The following NEGR1 variants were observed in gnomAD, a reference collection of about 807,000 sequenced individuals.
NEGR1 encodes the protein neuronal growth regulator 1.
NEGR1 carries 10 observed loss-of-function variants against 40.9 expected under a neutral mutation model. The ratio of observed to expected loss-of-function variants is 0.24; its 90% CI spans 0.15 to 0.42. The LOEUF (loss-of-function observed/expected upper bound fraction) is 0.42, where lower values mean the gene tolerates loss of function less well. Ranked by LOEUF, NEGR1 falls within the 10% of genes least tolerant of loss-of-function variation. The pLI is 1.00. For missense variants in NEGR1, 352 were observed against 438.9 expected (o/e 0.80, Z 1.77); for synonymous variants, 185 against 166.8 (o/e 1.11, Z -0.84).
intron 4 of NEGR1, among the ~76,000 whole-genome samples, chr1:71,614,005 A>T (rs1465334065): frequency 6.6e-6 from 1 of 152,084 alleles, no homozygotes; most frequent in Non-Finnish European, 1.5e-5. Flanking sequence ...AACTAAAAAA[A>T]TACCCTAGGA....
At position 71,817,357 on chromosome 1, in the gene NEGR1, C is replaced by T. The variant is rs552653857; in HGVS notation, c.410-41060G>A. On this transcript the variant is annotated intron_variant, in intron 2 of 6. Coordinates refer to ENST00000357731, the MANE Select transcript of NEGR1 (RefSeq NM_173808.3). The stretch of plus-strand genomic sequence containing the variant: ...CGCTGACATGGGCTAATTCTGGTGG[C>T]CATTTTAGCCCAAGTACTTCCCCAC... Among the ~76,000 whole-genome samples, 4 of 152,128 alleles carry T rather than the reference C, an allele frequency of 2.6e-5. No individual in the cohort carries two copies. The East Asian group carries it at 5.8e-4, about 22-fold the overall frequency.
At chr1:71,939,887 C>T (rs1275725024) in intron 1 of NEGR1, among the ~76,000 whole-genome samples, 1 of 152,134 alleles carries the variant, frequency 6.6e-6, no homozygotes, top group Non-Finnish European at 1.5e-5. Flanking sequence ...ACCCTATGAG[C>T]CAGATACTAC....
At chr1:71,762,536 C>A (rs1655982295) in intron 3 of NEGR1, among the ~76,000 whole-genome samples, 1 of 151,920 alleles carries the variant, frequency 6.6e-6, no homozygotes, top group Non-Finnish European at 1.5e-5. Context: ...AAACTGAAAG[C>A]AATCAAAATA....
At chr1:72,261,617 T>C (rs374891176) in intron 1 of NEGR1, among the ~76,000 whole-genome samples, 1 of 152,048 alleles carries the variant, frequency 6.6e-6, no homozygotes, top group Non-Finnish European at 1.5e-5. Flanking sequence ...CGGCACCACT[T>C]TGGCAACGCT....
At chr1:71,928,622 A>AC (rs1645824634) in intron 2 of NEGR1, among the ~76,000 whole-genome samples, 1 of 151,092 alleles carries the variant, frequency 6.6e-6, no homozygotes, top group Non-Finnish European at 1.5e-5. Flanking sequence ...TATATATAAA[A>AC]TGATCGTCCT....
intron 6 of NEGR1, among the ~76,000 whole-genome samples, chr1:71,421,750 C>G (rs915103170): frequency 1.3e-5 from 2 of 152,140 alleles, no homozygotes; most frequent in South Asian, 2.1e-4. Flanking sequence ...ACCATACATT[C>G]TGATGTATTC....
rs779415300 is a variant in NEGR1 at position 72,090,799 on chromosome 1, T to C, written c.177-155488A>G. On this transcript the variant is annotated intron_variant, in intron 1 of 6. Coordinates refer to ENST00000357731, the MANE Select transcript of NEGR1 (RefSeq NM_173808.3). ...TCTCCCTGGGTAAACTAGAGAGCTG[T>C]GGGGTTTTGAGTAAGTCATGTGCCC... Among the ~76,000 whole-genome samples the C allele has an allele frequency of 2.6e-5, 4 of 152,110 alleles. No individual in the cohort carries two copies. The East Asian group carries it at 7.7e-4, about 29-fold the overall frequency.
At chr1:71,648,551 G>T (rs560138002) in intron 4 of NEGR1, among the ~76,000 whole-genome samples, 25 of 151,998 alleles carry the variant, frequency 1.6e-4, no homozygotes, top group Non-Finnish European at 2.9e-4. Flanking sequence ...AAAGGGAATA[G>T]GAGGCCTGGA....
chr1:71,749,727 AG>A (rs1196550033), intron 3 of NEGR1, among the ~76,000 whole-genome samples: 1 of 152,208 alleles, frequency 6.6e-6, no homozygotes, highest in Non-Finnish European at 1.5e-5. Flanking sequence ...CATTATTTGA[AG>A]AACAATTCCT....
At chr1:71,767,542 T>A (rs1383361335) in intron 3 of NEGR1, among the ~76,000 whole-genome samples, 1 of 152,156 alleles carries the variant, frequency 6.6e-6, no homozygotes, top group Non-Finnish European at 1.5e-5. Context: ...GAACTGGAAC[T>A]TTTATATTTT....
At chr1:72,043,017 G>T (rs986306923) in intron 1 of NEGR1, among the ~76,000 whole-genome samples, 1 of 151,894 alleles carries the variant, frequency 6.6e-6, no homozygotes, top group Non-Finnish European at 1.5e-5. Flanking sequence ...CATTGCATTT[G>T]TCTTTATTGC....
chr1:71,557,858 G>A (rs1031247014), intron 6 of NEGR1, among the ~76,000 whole-genome samples: 3 of 151,516 alleles, frequency 2.0e-5, no homozygotes, highest in Non-Finnish European at 4.4e-5. Flanking sequence ...CCAGGATACG[G>A]TATTGCATTT....
At chr1:72,047,675 T>TTATA (rs1647014776) in intron 1 of NEGR1, among the ~76,000 whole-genome samples, 1 of 151,390 alleles carries the variant, frequency 6.6e-6, no homozygotes, top group Non-Finnish European at 1.5e-5. Context: ...AATACTCCTA[T>TTATA]TATAAGTAAT....
At chr1:72,242,458 A>T (rs1654776573) in intron 1 of NEGR1, among the ~76,000 whole-genome samples, 1 of 151,602 alleles carries the variant, frequency 6.6e-6, no homozygotes, top group African/African-American at 2.4e-5. Context: ...TTCAGGCCTC[A>T]GTTATGCATA....
At chr1:71,617,004 G>C (rs1042767924) in intron 4 of NEGR1, among the ~76,000 whole-genome samples, 1 of 152,200 alleles carries the variant, frequency 6.6e-6, no homozygotes, top group Non-Finnish European at 1.5e-5. Flanking sequence ...CAAAACTGCT[G>C]TACCACATGG....
chr1:71,481,136 T>G (rs1646851359), intron 6 of NEGR1, among the ~76,000 whole-genome samples: 1 of 151,962 alleles, frequency 6.6e-6, no homozygotes, highest in Non-Finnish European at 1.5e-5. Context: ...TATCTCTTGC[T>G]TGAGGTCACA....
Position 71,675,126 on chromosome 1 carries a change from T to TATATATATATATATATATATACACAC in NEGR1, c.667+22881_667+22882insGTGTGTATATATATATATATATATAT, listed in dbSNP as rs145354058. On this transcript the variant is annotated intron_variant, in intron 4 of 6. Coordinates refer to ENST00000357731, the MANE Select transcript of NEGR1 (RefSeq NM_173808.3). Reference sequence around the variant, plus strand: ...GCATGTTTATTCATATATATATATATACACACACACATATGAATTCTTAGA... The same window carrying TATATATATATATATATATATACACAC: ...GCATGTTTATTCATATATATATATATATATATATATATATATATATACACACACACACACACATATGAATTCTTAGA... Among the ~76,000 whole-genome samples, 203 of 77,774 alleles carry TATATATATATATATATATATACACAC rather than the reference T, an allele frequency of 2.6e-3. 6 individuals carry two copies. Among genetic ancestry groups the TATATATATATATATATATATACACAC allele is most frequent in the East Asian group, 0.021 (51 of 2,432 alleles). 51.0% of individuals were successfully genotyped at this position (77,774 alleles called of 152,430 possible). A position where few individuals can be genotyped will look rare whatever the true frequency, so the allele number is the denominator to read the frequency against.
intron 1 of NEGR1, among the ~76,000 whole-genome samples, chr1:72,266,248 G>A (rs559113418): frequency 6.6e-6 from 1 of 150,866 alleles, no homozygotes; most frequent in Admixed American, 6.6e-5. Context: ...ATTCCAAATG[G>A]ATCTATGTAA....
chr1:71,565,009 A>G (rs1291282904), intron 6 of NEGR1, among the ~76,000 whole-genome samples: 7 of 152,164 alleles, frequency 4.6e-5, no homozygotes, highest in Non-Finnish European at 8.8e-5. Context: ...ATCATTAGGT[A>G]AGTACACAAA....
Sources: gnomAD v4.1 joint callset for allele counts (sites outside exome capture counted in the v4.1 genomes callset) on GRCh38, gnomAD v4.1.1 for gene constraint, MANE v1.5 for transcripts, NCBI Gene and HGNC (gene_info 2026-07-23, HGNC 2026-07-21) for gene names.